The following CFAP54 variants were observed in gnomAD, a reference collection of about 807,000 sequenced individuals.
CFAP54 encodes cilia and flagella associated protein 54.
CFAP54 carries 290 observed loss-of-function variants against 370.4 expected under a neutral mutation model. The ratio of observed to expected loss-of-function variants is 0.78; its 90% CI spans 0.71 to 0.86. CFAP54 has a LOEUF of 0.86. CFAP54 is among the 40% of genes least tolerant of loss of function. The pLI is 0.00. For missense variants in CFAP54, 3,399 were observed against 3,528.7 expected (o/e 0.96, Z 0.93); for synonymous variants, 1,206 against 1,236.5 (o/e 0.98, Z 0.52).
chr12:96,541,032 A>C (rs13313221), intron 14 of CFAP54, 45 bp downstream of exon 14: 1 of 1,274,966 alleles, frequency 7.8e-7, no homozygotes, highest in South Asian at 1.8e-5. Context: ...AAATACAAAT[A>C]TATAGGTATG....
chr12:96,591,761 C>T (rs1341454671), intron 23 of CFAP54, among the ~76,000 whole-genome samples: 3 of 149,378 alleles, frequency 2.0e-5, no homozygotes, highest in African/African-American at 4.9e-5. Flanking sequence ...CATGGTGGCG[C>T]GTGCCTGTAG....
intron 1 of CFAP54, among the ~76,000 whole-genome samples, chr12:96,497,788 T>C (rs1051701719): frequency 5.3e-5 from 8 of 152,246 alleles, no homozygotes; most frequent in African/African-American, 1.9e-4. Flanking sequence ...GTAATAAATT[T>C]CGTTACACTG....
Position 96,648,583 on chromosome 12 carries a change from T to C in CFAP54, c.4690+566T>C, listed in dbSNP as rs1436414607. On this transcript the variant is annotated intron_variant, in intron 34 of 67. Coordinates refer to ENST00000524981, the MANE Select transcript of CFAP54 (RefSeq NM_001306084.2). ...AGACATGCAGGTAAACAGGGTTCTT[T>C]TTTTTTTTTTTTTTTTTTTTTTTTG... 4.4e-3 allele frequency among the ~76,000 whole-genome samples: 476 copies of C among 108,094 alleles called. 7 individuals carry two copies. The highest frequency in any genetic ancestry group is 0.016 in the African/African-American group (456 of 28,748). The allele number at this position is 108,094 out of a possible 152,430, so 70.9% of individuals were successfully genotyped here.
At chr12:96,573,742 TCAAA>T (rs1330857801) in intron 19 of CFAP54, among the ~76,000 whole-genome samples, 3 of 152,222 alleles carry the variant, frequency 2.0e-5, no homozygotes, top group Non-Finnish European at 4.4e-5. Context: ...ATTCAGTGAT[TCAAA>T]CAGTTACACT....
At chr12:96,797,013 T>G (rs1489012592) in intron 63 of CFAP54, among the ~76,000 whole-genome samples, 2 of 152,170 alleles carry the variant, frequency 1.3e-5, no homozygotes, top group Admixed American at 6.5e-5. Flanking sequence ...CACAATTTTT[T>G]TATTATAGTG....
intron 15 of CFAP54, among the ~76,000 whole-genome samples, chr12:96,553,474 CTATATATATAGTTATA>C (rs974512034): frequency 6.9e-6 from 1 of 144,646 alleles, no homozygotes; most frequent in African/African-American, 2.5e-5. Flanking sequence ...GGACAGTTAA[CTATATATATAGTTATA>C]TATATATATA....
At chr12:96,549,412 C>T (rs551710976) in intron 15 of CFAP54, among the ~76,000 whole-genome samples, 1 of 152,264 alleles carries the variant, frequency 6.6e-6, no homozygotes, top group East Asian at 1.9e-4. Flanking sequence ...AAAATGTACC[C>T]TCTCTTAAAG....
chr12:96,687,258 C>T (rs918525365), intron 42 of CFAP54, among the ~76,000 whole-genome samples: 2 of 152,132 alleles, frequency 1.3e-5, no homozygotes, highest in African/African-American at 2.4e-5. Context: ...ATCACATCTG[C>T]GAAGACTTTG....
chr12:96,595,295 AT>A (rs1565907553), intron 25 of CFAP54, among the ~76,000 whole-genome samples: 20 of 152,144 alleles, frequency 1.3e-4, no homozygotes, highest in African/African-American at 4.6e-4. Context: ...TGATGAGCTT[AT>A]CACATTCAGG....
intron 1 of CFAP54, among the ~76,000 whole-genome samples, chr12:96,499,503 A>G (rs1459257453): frequency 6.6e-6 from 1 of 152,208 alleles, no homozygotes; most frequent in Non-Finnish European, 1.5e-5. Context: ...GAAGTCTCTC[A>G]TTGATTGCTG....
At chr12:96,528,883 A>T (rs1019120281) in intron 9 of CFAP54, among the ~76,000 whole-genome samples, 7 of 152,016 alleles carry the variant, frequency 4.6e-5, no homozygotes, top group Admixed American at 4.6e-4. Flanking sequence ...GATTTTTAGG[A>T]TTTGTTATTA....
Position 96,704,452 on chromosome 12 carries a change from GTATATATATATATA to G in CFAP54, c.6475-255_6475-242del, listed in dbSNP as rs71068825. On this transcript the variant is annotated intron_variant, in intron 46 of 67. Coordinates refer to ENST00000524981, the MANE Select transcript of CFAP54 (RefSeq NM_001306084.2). ...AAAAAAAAAAAAAAAATGTATGTGTGTATATATATATATATATATATATATATATATATATATAT... is the reference window on the plus strand; with the variant it reads ...AAAAAAAAAAAAAAAATGTATGTGTGTATATATATATATATATATATATAT... Among the ~76,000 whole-genome samples the G allele has an allele frequency of 6.4e-3, 394 of 61,298 alleles. 11 individuals carry two copies. Among genetic ancestry groups the G allele is most frequent in the Middle Eastern group, 0.02 (1 of 50 alleles). The allele number at this position is 61,298 out of a possible 152,430, so 40.2% of individuals were successfully genotyped here.
At chr12:96,664,469 T>A (rs1163647315) in intron 39 of CFAP54, among the ~76,000 whole-genome samples, 1 of 152,188 alleles carries the variant, frequency 6.6e-6, no homozygotes, top group East Asian at 1.9e-4. Flanking sequence ...ATCTAATTCT[T>A]TTTTATGACT....
In CFAP54 at chr12:96,704,749, CA is replaced by C; in HGVS notation, c.6483del (p.Gln2161HisfsTer21). The C allele has an allele frequency of 8.2e-7, 1 of 1,226,970 alleles. No homozygotes were observed. The highest frequency in any genetic ancestry group is 1.6e-5 in the African/African-American group (1 of 63,270). The allele number at this position is 1,226,970 out of a possible 1,614,324, so 76.0% of individuals were successfully genotyped here. Reference sequence around the variant, plus strand: ...CTATTTTGTATTTTGACAGATCTTTCAATCATTTGACTCAGGAAAACTTCTT... The same window carrying C: ...CTATTTTGTATTTTGACAGATCTTTCATCATTTGACTCAGGAAAACTTCTT... ...YKATGKMKIF[Q>X]SFDSGKLLTS... is the part of the protein sequence containing the mutation. On this transcript the variant is annotated frameshift_variant, in exon 47 of 68. Transcript: ENST00000524981. LOFTEE classifies it high-confidence loss of function.
chr12:96,593,983 AT>A (rs1338825254), intron 24 of CFAP54, among the ~76,000 whole-genome samples: 3 of 152,046 alleles, frequency 2.0e-5, no homozygotes, highest in Admixed American at 6.6e-5. Flanking sequence ...TATAATTTAT[AT>A]TTTTGAAAAC....
chr12:96,835,172 C>A (rs1447951670), intron 66 of CFAP54, among the ~76,000 whole-genome samples: 1 of 152,094 alleles, frequency 6.6e-6, no homozygotes, highest in Non-Finnish European at 1.5e-5. Context: ...GTAGTCCCAA[C>A]ATCTCTGCAG....
intron 48 of CFAP54, among the ~76,000 whole-genome samples, chr12:96,711,239 A>T (rs1366404886): frequency 2.6e-5 from 4 of 151,934 alleles, no homozygotes; most frequent in African/African-American, 4.8e-5. Flanking sequence ...AAATTCTGTA[A>T]GGTTAGTAGT....
intron 50 of CFAP54, among the ~76,000 whole-genome samples, chr12:96,726,337 A>G (rs933376214): frequency 6.6e-5 from 10 of 152,332 alleles, no homozygotes; most frequent in African/African-American, 1.9e-4. Flanking sequence ...GCTATTGATT[A>G]TTGCCACAAT....
At chr12:96,495,685 T>A (rs1432651561) in intron 1 of CFAP54, among the ~76,000 whole-genome samples, 1 of 152,064 alleles carries the variant, frequency 6.6e-6, no homozygotes, top group Non-Finnish European at 1.5e-5. Context: ...ACATTAACAT[T>A]TTCTTCTCAA....
Sources: gnomAD v4.1 joint callset for allele counts (sites outside exome capture counted in the v4.1 genomes callset) on GRCh38, gnomAD v4.1.1 for gene constraint, MANE v1.5 for transcripts, NCBI Gene and HGNC (gene_info 2026-07-23, HGNC 2026-07-21) for gene names.